The following CNTN4 variants were observed in gnomAD, a reference collection of about 807,000 sequenced individuals.
CNTN4 encodes contactin-4.
Under a neutral mutation model 122.5 loss-of-function variants are expected in CNTN4, and 77 were observed. That is an observed-to-expected ratio of 0.63 (90% confidence interval 0.52 to 0.76). CNTN4 has a LOEUF of 0.76. Among genes scored for constraint, CNTN4 ranks in the 30% least tolerant of loss-of-function variants. The probability of loss-of-function intolerance (pLI) is 0.00; values close to 1 mark genes in which losing one functional copy is unlikely to be tolerated. For synonymous variants in CNTN4, 512 were observed against 447.0 expected, an observed-to-expected ratio of 1.15 and a Z score of -1.83; for missense variants, 1,256 against 1,259.1, an observed-to-expected ratio of 1.00 and a Z score of 0.04.
chr3:2,671,453 G>A (rs1429139006), intron 4 of CNTN4, among the ~76,000 whole-genome samples: 2 of 152,088 alleles, frequency 1.3e-5, no homozygotes, highest in Non-Finnish European at 1.5e-5. Context: ...GGTCCTTTAA[G>A]GACTTCCCTT....
At chr3:2,988,915 T>C (rs1018336979) in intron 14 of CNTN4, 6 of 220,418 alleles carry the variant, frequency 2.7e-5, no homozygotes, top group African/African-American at 1.4e-4. Context: ...TTCAGAGATA[T>C]GGATATGGCT....
chr3:3,013,656 T>G (rs148972735), intron 14 of CNTN4, among the ~76,000 whole-genome samples: 80 of 151,416 alleles, frequency 5.3e-4, no homozygotes, highest in African/African-American at 1.9e-3. Context: ...AGATAACCTT[T>G]CTGTGGAAAG....
intron 4 of CNTN4, among the ~76,000 whole-genome samples, chr3:2,576,854 C>T (rs1037690282): frequency 6.6e-6 from 1 of 152,080 alleles, no homozygotes; most frequent in African/African-American, 2.4e-5. Context: ...GGTCACGCCT[C>T]GCCCATTTCT....
At chr3:2,850,775 A>G (rs1264148515) in intron 7 of CNTN4, among the ~76,000 whole-genome samples, 1 of 152,220 alleles carries the variant, frequency 6.6e-6, no homozygotes, top group Non-Finnish European at 1.5e-5. Context: ...ATTTTTCAGT[A>G]ATAAATAAAA....
rs926750822 is a variant in CNTN4 at position 2,925,306 on chromosome 3, C to T, written c.1208-323C>T. Among the ~76,000 whole-genome samples, 6 of 152,132 alleles carry T rather than the reference C, an allele frequency of 3.9e-5. No individual in the cohort carries two copies. The East Asian group carries it at 5.8e-4, about 15-fold the overall frequency. On this transcript the variant is annotated intron_variant, in intron 12 of 24. Transcript: ENST00000418658. ...TGTGGTGGCTCATGCCTGTAATCCC[C>T]GCACTTTGGGAGGCTGAGGCGGGCG... is the stretch of plus-strand genomic sequence containing the variant.
At chr3:2,782,932 T>C (rs2091663430) in intron 6 of CNTN4, among the ~76,000 whole-genome samples, 1 of 152,082 alleles carries the variant, frequency 6.6e-6, no homozygotes, top group African/African-American at 2.4e-5. Context: ...GATCCATAAA[T>C]TTACTTAGCT....
intron 3 of CNTN4, among the ~76,000 whole-genome samples, chr3:2,468,813 G>C (rs1253035786): frequency 1.3e-5 from 2 of 152,004 alleles, no homozygotes; most frequent in African/African-American, 2.4e-5. Context: ...CATCAGGGTT[G>C]AAAGTAAGGA....
At chr3:2,613,736 G>T (rs138089967) in intron 4 of CNTN4, among the ~76,000 whole-genome samples, 153 of 152,166 alleles carry the variant, frequency 1.0e-3, no homozygotes, top group Non-Finnish European at 1.7e-3. Flanking sequence ...ATCACTATCG[G>T]ATGTGTCATA....
chr3:3,020,265 G>A (rs1379695857), intron 14 of CNTN4, among the ~76,000 whole-genome samples: 1 of 152,172 alleles, frequency 6.6e-6, no homozygotes, highest in African/African-American at 2.4e-5. Context: ...AGTAGGAACA[G>A]AACTAGGCAC....
intron 4 of CNTN4, among the ~76,000 whole-genome samples, chr3:2,721,600 TGAGA>T (rs139025499): frequency 6.1e-4 from 93 of 151,876 alleles, no homozygotes; most frequent in Non-Finnish European, 9.6e-4. Context: ...TATGTGTGTG[TGAGA>T]GAGAGAGAGA....
chr3:2,490,803 G>A (rs570465519), intron 3 of CNTN4, among the ~76,000 whole-genome samples: 8 of 152,122 alleles, frequency 5.3e-5, no homozygotes, highest in East Asian at 1.9e-4. Flanking sequence ...TCTCATTCCC[G>A]TATGCTATAC....
intron 3 of CNTN4, among the ~76,000 whole-genome samples, chr3:2,402,425 C>T (rs1424279256): frequency 6.6e-6 from 1 of 152,016 alleles, no homozygotes; most frequent in Non-Finnish European, 1.5e-5. Context: ...ATTATGAATT[C>T]ATAGTAGTCG....
intron 2 of CNTN4, among the ~76,000 whole-genome samples, chr3:2,267,740 C>A (rs2041109789): frequency 1.3e-5 from 2 of 151,910 alleles, no homozygotes; most frequent in African/African-American, 4.8e-5. Context: ...AACCTATTGT[C>A]AAAGAATATT....
At chr3:2,194,524 G>A (rs774543198) in intron 2 of CNTN4, among the ~76,000 whole-genome samples, 1 of 152,126 alleles carries the variant, frequency 6.6e-6, no homozygotes, top group African/African-American at 2.4e-5. Flanking sequence ...AATTGTTATT[G>A]GTTGAATTGT....
intron 12 of CNTN4, among the ~76,000 whole-genome samples, chr3:2,921,239 G>T (rs1283192501): frequency 6.6e-6 from 1 of 152,146 alleles, no homozygotes; most frequent in Non-Finnish European, 1.5e-5. Context: ...GTCTCACTGT[G>T]TCACCGAGGC....
chr3:2,237,089 C>G (rs369173995), intron 2 of CNTN4, among the ~76,000 whole-genome samples: 14 of 152,128 alleles, frequency 9.2e-5, no homozygotes, highest in Admixed American at 5.9e-4. Context: ...TTGGCCTTTT[C>G]TCTATGAGTA....
rs762329352 is a variant in CNTN4, at chr3:2,312,044, CTT to C, written c.-144-27127_-144-27126del. On this transcript the variant is annotated intron_variant, in intron 2 of 24. Transcript: ENST00000418658. ...AGAGTTTTTTTTTGATACGATAAAACTTTTTTTTAAGATAAAAATGGCACTTT... is the reference window on the plus strand; with the variant it reads ...AGAGTTTTTTTTTGATACGATAAAACTTTTTTAAGATAAAAATGGCACTTT... 9.2e-5 allele frequency among the ~76,000 whole-genome samples: 14 copies of C among 151,538 alleles called. No homozygotes were observed. The South Asian group carries it at 2.9e-3, about 32-fold the overall frequency.
chr3:2,281,690 A>G (rs1308300270), intron 2 of CNTN4, among the ~76,000 whole-genome samples: 1 of 152,014 alleles, frequency 6.6e-6, no homozygotes, highest in Non-Finnish European at 1.5e-5. Flanking sequence ...TATTTGGGTA[A>G]CAGCTTTTGG....
chr3:2,577,450 C>G (rs2079744827), intron 4 of CNTN4, among the ~76,000 whole-genome samples: 2 of 152,120 alleles, frequency 1.3e-5, no homozygotes, highest in Non-Finnish European at 2.9e-5. Flanking sequence ...GGGAGTTTTA[C>G]TCTTTTTAGT....
Sources: allele counts gnomAD v4.1 joint callset (sites outside exome capture counted in the v4.1 genomes callset), GRCh38; gene constraint gnomAD v4.1.1; transcripts MANE v1.5; gene names NCBI Gene and HGNC (gene_info 2026-07-23, HGNC 2026-07-21).